The following MTHFD2L variants were observed in gnomAD, a reference collection of about 807,000 sequenced individuals.
The protein encoded by MTHFD2L is bifunctional methylenetetrahydrofolate dehydrogenase/cyclohydrolase 2, mitochondrial.
A neutral mutation model predicts 34.9 loss-of-function variants in MTHFD2L; 29 were observed. The ratio of observed to expected loss-of-function variants is 0.83; its 90% CI spans 0.62 to 1.13. The LOEUF is 1.13. MTHFD2L is among the 50% of genes most tolerant of loss of function. The probability of loss-of-function intolerance (pLI) is 0.00; values close to 1 mark genes in which losing one functional copy is unlikely to be tolerated. For missense variants in MTHFD2L, 481 were observed against 446.5 expected, an observed-to-expected ratio of 1.08 and a Z score of -0.70; for synonymous variants, 167 against 155.7, an observed-to-expected ratio of 1.07 and a Z score of -0.54.
intron 6 of MTHFD2L, among the ~76,000 whole-genome samples, chr4:74,261,017 A>C (rs1009838857): frequency 1.4e-5 from 2 of 139,982 alleles, no homozygotes; most frequent in Admixed American, 7.4e-5. Context: ...AATAGAAAAA[A>C]ATATATATAT....
chr4:74,185,037 A>G (rs1730895515), intron 3 of MTHFD2L, among the ~76,000 whole-genome samples: 1 of 151,622 alleles, frequency 6.6e-6, no homozygotes. Context: ...CTGTAGGCCC[A>G]GCTACTCGGG....
At chr4:74,268,186 G>T in intron 6 of MTHFD2L, 1 of 982,994 alleles carries the variant, frequency 1.0e-6, no homozygotes, top group Non-Finnish European at 1.2e-6. Context: ...TGAGGTTTTT[G>T]TATTACTAAT....
intron 7 of MTHFD2L, among the ~76,000 whole-genome samples, chr4:74,287,050 T>C (rs1037591708): frequency 1.3e-5 from 2 of 152,192 alleles, no homozygotes; most frequent in Non-Finnish European, 1.5e-5. Flanking sequence ...GGTAAGTCTT[T>C]GTAAAGGTGA....
At chr4:74,256,445 G>A (rs1055527008) in intron 6 of MTHFD2L, among the ~76,000 whole-genome samples, 1 of 151,902 alleles carries the variant, frequency 6.6e-6, no homozygotes, top group Non-Finnish European at 1.5e-5. Context: ...TTGCTTTTGA[G>A]GACTTAGTCA....
upstream of MTHFD2L, chr4:74,157,725 A>G (rs746956328): frequency 2.2e-6 from 1 of 463,720 alleles, no homozygotes; most frequent in South Asian, 1.5e-5. Context: ...CTTTAAATCC[A>G]ATTCCACGTA....
chr4:74,209,688 A>G (rs181195842), intron 5 of MTHFD2L, among the ~76,000 whole-genome samples: 185 of 152,336 alleles, frequency 1.2e-3, no homozygotes, highest in South Asian at 3.7e-3. Context: ...AGAATGATTT[A>G]TAATTCTTTG....
chr4:74,264,353 AATAT>A (rs1222989131), intron 6 of MTHFD2L, among the ~76,000 whole-genome samples: 2 of 152,106 alleles, frequency 1.3e-5, no homozygotes, highest in African/African-American at 4.8e-5. Context: ...AAGCTTACAG[AATAT>A]ATGGTCAACA....
chr4:74,175,896 A>G (rs1018512929), intron 3 of MTHFD2L, among the ~76,000 whole-genome samples: 15 of 152,216 alleles, frequency 9.9e-5, no homozygotes, highest in Middle Eastern at 6.8e-3. Context: ...CGTCAAAAGT[A>G]GTTGGAGCAG....
intron 6 of MTHFD2L, among the ~76,000 whole-genome samples, chr4:74,275,426 T>C (rs959075330): frequency 1.3e-4 from 20 of 152,328 alleles, no homozygotes; most frequent in African/African-American, 4.6e-4. Flanking sequence ...TGTGTCTTTA[T>C]GATAGAATGA....
chr4:74,279,818 A>G lies in MTHFD2L; in HGVS notation c.806-1607A>G, dbSNP rs181325968. ...AAAAAGATAAGTTCTATATCACAGGATAGGAAAGCAAGGGAAAAATATATC... is the reference window on the plus strand; with the variant it reads ...AAAAAGATAAGTTCTATATCACAGGGTAGGAAAGCAAGGGAAAAATATATC... On this transcript the variant is annotated intron_variant, in intron 6 of 7. Coordinates refer to ENST00000325278, the MANE Select transcript of MTHFD2L (RefSeq NM_001144978.3). 1.2e-3 allele frequency among the ~76,000 whole-genome samples: 188 copies of G among 152,244 alleles called. 2 individuals are homozygous for G. The highest frequency in any genetic ancestry group is 4.0e-3 in the African/African-American group (167 of 41,556).
At chr4:74,120,150 G>A (rs1423219860), upstream of MTHFD2L, among the ~76,000 whole-genome samples, 1 of 152,132 alleles carries the variant, frequency 6.6e-6, no homozygotes, top group East Asian at 1.9e-4. Context: ...TGCTGCTAAG[G>A]GTATATGTCA....
intron 4 of MTHFD2L, among the ~76,000 whole-genome samples, 156 bp from the exon 5 acceptor site, chr4:74,201,107 A>G (rs1015185340): frequency 6.6e-6 from 1 of 152,204 alleles, no homozygotes; most frequent in African/African-American, 2.4e-5. Flanking sequence ...AAAATGAATT[A>G]TTTATAAATA....
At chr4:74,267,934 A>C (rs1745515952) in intron 6 of MTHFD2L, 2 of 985,038 alleles carry the variant, frequency 2.0e-6, no homozygotes. Flanking sequence ...TCTGTAAGGA[A>C]CCTAGCACCA....
At chr4:74,268,417 C>G (rs1452690842) in intron 6 of MTHFD2L, among the ~76,000 whole-genome samples, 1 of 151,708 alleles carries the variant, frequency 6.6e-6, no homozygotes, top group Non-Finnish European at 1.5e-5. Flanking sequence ...AGTTAGAGTT[C>G]TGGTTTTGTT....
chr4:74,122,698 C>G (rs1421737943), upstream of MTHFD2L, among the ~76,000 whole-genome samples: 1 of 152,156 alleles, frequency 6.6e-6, no homozygotes, highest in Non-Finnish European at 1.5e-5. Context: ...AACATGACAA[C>G]TAAATGCAAT....
At position 74,298,978 on chromosome 4, in the gene MTHFD2L, G is replaced by T. The variant is rs988869827; in HGVS notation, c.932-2719G>T. On this transcript the variant is annotated intron_variant, in intron 7 of 7. Coordinates refer to ENST00000325278, the MANE Select transcript of MTHFD2L (RefSeq NM_001144978.3). ...CCACAGTTTCCTCATCTATTAAAATGAAATAATTAAATATTAATTATTAAA... is the reference window on the plus strand; with the variant it reads ...CCACAGTTTCCTCATCTATTAAAATTAAATAATTAAATATTAATTATTAAA... Among the ~76,000 whole-genome samples, 4 of 151,846 alleles carry T rather than the reference G, an allele frequency of 2.6e-5. No individual in the cohort carries two copies. In the East Asian group the frequency reaches 7.7e-4, roughly 29 times the overall value.
chr4:74,234,970 G>T (rs1293165299), intron 6 of MTHFD2L, among the ~76,000 whole-genome samples: 1 of 151,966 alleles, frequency 6.6e-6, no homozygotes, highest in Non-Finnish European at 1.5e-5. Context: ...AAATTCACTA[G>T]GCAGAATAAA....
intron 1 of MTHFD2L, among the ~76,000 whole-genome samples, chr4:74,127,561 T>G (rs1183847317): frequency 6.6e-6 from 1 of 152,196 alleles, no homozygotes; most frequent in African/African-American, 2.4e-5. Flanking sequence ...CCATCTATGT[T>G]GCTGCAAATG....
intron 3 of MTHFD2L, among the ~76,000 whole-genome samples, chr4:74,198,723 G>A (rs1733907495): frequency 6.6e-6 from 1 of 152,086 alleles, no homozygotes; most frequent in Admixed American, 6.5e-5. Context: ...TGGAGGCCCT[G>A]CTAAAACATT....
Sources: gnomAD v4.1 joint callset for allele counts (sites outside exome capture counted in the v4.1 genomes callset) on GRCh38, gnomAD v4.1.1 for gene constraint, MANE v1.5 for transcripts, NCBI Gene and HGNC (gene_info 2026-07-23, HGNC 2026-07-21) for gene names.